The following EFNA5 variants were observed in gnomAD, a reference collection of about 807,000 sequenced individuals.
The protein encoded by EFNA5 is ephrin-A5.
A neutral mutation model predicts 22.9 loss-of-function variants in EFNA5; 5 were observed. The observed-to-expected ratio is 0.22, with a 90% confidence interval of 0.11 to 0.46. The LOEUF (loss-of-function observed/expected upper bound fraction) is 0.46. Ranked by LOEUF, EFNA5 falls within the 20% of genes least tolerant of loss-of-function variation. The probability of loss-of-function intolerance (pLI) is 0.99; values close to 1 mark genes in which losing one functional copy is unlikely to be tolerated. For synonymous variants in EFNA5, 113 were observed against 112.2 expected (o/e 1.01, Z -0.04); for missense variants, 237 against 293.3 (o/e 0.81, Z 1.40).
chr5:107,547,540 A>AT (rs1282376010), intron 1 of EFNA5, among the ~76,000 whole-genome samples: 2,983 of 152,158 alleles, frequency 0.02, 113 homozygotes, highest in African/African-American at 0.068. Flanking sequence ...AAAAAAAAAA[A>AT]ATACAAGCCT....
intron 1 of EFNA5, among the ~76,000 whole-genome samples, chr5:107,612,820 T>C (rs988076684): frequency 3.3e-5 from 5 of 152,168 alleles, no homozygotes; most frequent in Admixed American, 6.6e-5. Flanking sequence ...AGAATACATT[T>C]TGTGTTTACC....
At chr5:107,625,131 C>A (rs1201814635) in intron 1 of EFNA5, among the ~76,000 whole-genome samples, 1 of 152,086 alleles carries the variant, frequency 6.6e-6, no homozygotes, top group Non-Finnish European at 1.5e-5. Context: ...TACGCTGTAG[C>A]AACTAATTTT....
chr5:107,497,922 GTAT>G (rs985318549), intron 1 of EFNA5, among the ~76,000 whole-genome samples: 2 of 152,104 alleles, frequency 1.3e-5, no homozygotes, highest in Admixed American at 1.3e-4. Context: ...ATTATTAGTA[GTAT>G]TATTTTTTGA....
chr5:107,595,043 A>G (rs557653627), intron 1 of EFNA5, among the ~76,000 whole-genome samples: 1 of 152,306 alleles, frequency 6.6e-6, no homozygotes, highest in African/African-American at 2.4e-5. Context: ...ATGAAATCAA[A>G]GAAAATATAG....
At chr5:107,431,462 T>C (rs1748956619) in intron 1 of EFNA5, among the ~76,000 whole-genome samples, 1 of 152,184 alleles carries the variant, frequency 6.6e-6, no homozygotes. Context: ...TTATGTTACA[T>C]TCATTATCTC....
chr5:107,521,257 T>C (rs746572558), intron 1 of EFNA5, among the ~76,000 whole-genome samples: 6 of 151,886 alleles, frequency 4.0e-5, no homozygotes, highest in Non-Finnish European at 7.4e-5. Context: ...CAATAAACTT[T>C]AGAGTATGTA....
At chr5:107,557,268 C>T (rs553060090) in intron 1 of EFNA5, among the ~76,000 whole-genome samples, 1 of 150,696 alleles carries the variant, frequency 6.6e-6, no homozygotes. Context: ...TGAGAAGGGG[C>T]GAGAGAGGGA....
chr5:107,495,121 C>G (rs1746939055), intron 1 of EFNA5, among the ~76,000 whole-genome samples: 1 of 152,170 alleles, frequency 6.6e-6, no homozygotes, highest in Non-Finnish European at 1.5e-5. Context: ...CTCAGGTCCC[C>G]TTCCACGCTG....
In EFNA5 at chr5:107,380,727, A is replaced by T. The variant is rs961253140; in HGVS notation, c.*528T>A. 2.5e-6 allele frequency: 1 copy of T among 398,906 alleles called. No individual in the cohort carries two copies. The highest frequency in any genetic ancestry group is 4.4e-5 in the Admixed American group (1 of 22,844). 24.7% of individuals were successfully genotyped at this position (398,906 alleles called of 1,614,324 possible). On this transcript the variant is annotated 3_prime_UTR_variant, in exon 5 of 5. Coordinates refer to ENST00000333274, the MANE Select transcript of EFNA5 (RefSeq NM_001962.3). Reference sequence around the variant, plus strand: ...CCTATAGGAAATGGTGTAATATCGTATCTATTCTTAATACCTCCCCTCCGG... The same window carrying T: ...CCTATAGGAAATGGTGTAATATCGTTTCTATTCTTAATACCTCCCCTCCGG...
At position 107,475,669 on chromosome 5, in the gene EFNA5, T is replaced by C. The variant is rs1044609784; in HGVS notation, c.126-48160A>G. On this transcript the variant is annotated intron_variant, in intron 1 of 4. Coordinates refer to ENST00000333274, the MANE Select transcript of EFNA5 (RefSeq NM_001962.3). ...AATTTTGAAGGCTGTTCAAGGACTATGTCAGCAACATTCTTACCCTGCATA... is the reference window on the plus strand; with the variant it reads ...AATTTTGAAGGCTGTTCAAGGACTACGTCAGCAACATTCTTACCCTGCATA... Among the ~76,000 whole-genome samples the C allele has an allele frequency of 4.6e-5, 7 of 152,244 alleles. No individual in the cohort carries two copies. The South Asian group carries it at 1.0e-3, about 23-fold the overall frequency.
chr5:107,588,809 G>C (rs996907294), intron 1 of EFNA5, among the ~76,000 whole-genome samples: 1 of 152,176 alleles, frequency 6.6e-6, no homozygotes, highest in Non-Finnish European at 1.5e-5. Context: ...TTATCAACCT[G>C]AGCATTAACC....
intron 1 of EFNA5, among the ~76,000 whole-genome samples, chr5:107,446,285 T>C (rs1249305356): frequency 6.6e-6 from 1 of 152,254 alleles, no homozygotes; most frequent in Non-Finnish European, 1.5e-5. Context: ...TTATACTATT[T>C]ATGGAACTTT....
At chr5:107,461,999 C>T (rs76518991) in intron 1 of EFNA5, among the ~76,000 whole-genome samples, 443 of 152,298 alleles carry the variant, frequency 2.9e-3, no homozygotes, top group Non-Finnish European at 5.2e-3. Context: ...GTGCCCTGCA[C>T]AGAGCAACCT....
At chr5:107,386,916 C>T (rs1457093099) in intron 4 of EFNA5, among the ~76,000 whole-genome samples, 1 of 152,098 alleles carries the variant, frequency 6.6e-6, no homozygotes, top group Non-Finnish European at 1.5e-5. Context: ...CTTTAATATT[C>T]ACAGTGATTC....
At chr5:107,556,731 A>T (rs905515501) in intron 1 of EFNA5, among the ~76,000 whole-genome samples, 2 of 151,526 alleles carry the variant, frequency 1.3e-5, no homozygotes, top group Non-Finnish European at 2.9e-5. Flanking sequence ...GGGTGACAGG[A>T]GCAAAATTCC....
chr5:107,489,252 C>T (rs559666613), intron 1 of EFNA5, among the ~76,000 whole-genome samples: 24 of 152,262 alleles, frequency 1.6e-4, no homozygotes, highest in African/African-American at 3.8e-4. Context: ...TGGCTCACTG[C>T]AACCGCCGCC....
chr5:107,395,965 G>A (rs1249456763), intron 2 of EFNA5, among the ~76,000 whole-genome samples: 1 of 152,156 alleles, frequency 6.6e-6, no homozygotes, highest in Non-Finnish European at 1.5e-5. Context: ...GATACCCTAT[G>A]AGGGTGGCTG....
chr5:107,483,999 T>C (rs544013904), intron 1 of EFNA5, among the ~76,000 whole-genome samples: 2 of 152,206 alleles, frequency 1.3e-5, no homozygotes, highest in Non-Finnish European at 2.9e-5. Flanking sequence ...TAAAGAATTT[T>C]ACAGTCTTGG....
At chr5:107,637,263 A>C (rs1189113824) in intron 1 of EFNA5, among the ~76,000 whole-genome samples, 1 of 152,210 alleles carries the variant, frequency 6.6e-6, no homozygotes, top group African/African-American at 2.4e-5. Flanking sequence ...TATCTTCTCC[A>C]ATCTTTAATC....
Sources: gnomAD v4.1 joint callset for allele counts (sites outside exome capture counted in the v4.1 genomes callset) on GRCh38, gnomAD v4.1.1 for gene constraint, MANE v1.5 for transcripts, NCBI Gene and HGNC (gene_info 2026-07-23, HGNC 2026-07-21) for gene names.